Variants in ERBB4 observed in about 807,000 individuals in gnomAD.
ERBB4 encodes erb-b2 receptor tyrosine kinase 4.
A neutral mutation model predicts 158.0 loss-of-function variants in ERBB4; 42 were observed. The observed-to-expected ratio is 0.27, with a 90% CI of 0.21 to 0.34. ERBB4 has a LOEUF of 0.34. ERBB4 is among the 10% of genes least tolerant of loss of function. The pLI is 1.00. For missense variants in ERBB4, 1,333 were observed against 1,624.1 expected (o/e 0.82, Z 3.08); for synonymous variants, 583 against 558.7 (o/e 1.04, Z -0.61).
At chr2:212,086,049 G>A (rs1045171183) in intron 2 of ERBB4, among the ~76,000 whole-genome samples, 5 of 151,838 alleles carry the variant, frequency 3.3e-5, no homozygotes, top group Admixed American at 6.6e-5. Context: ...ACATGGTTAC[G>A]GTTGGAATTG....
In ERBB4 at chr2:211,657,836, C is replaced by T; in HGVS notation, c.1872-8G>A. ...CTAGTGGGACCGTTACACCTGCAGG[C>T]AATTACAGAACAGAAAACATCATTC... On this transcript the variant is annotated splice_region_variant and splice_polypyrimidine_tract_variant and intron_variant, in intron 15 of 27. Transcript: ENST00000342788. The T allele has an allele frequency of 6.2e-7, 1 of 1,613,334 alleles. No homozygotes were observed.
intron 20 of ERBB4, among the ~76,000 whole-genome samples, chr2:211,537,153 G>A (rs541060735): frequency 2.0e-5 from 3 of 151,928 alleles, no homozygotes; most frequent in South Asian, 4.2e-4. Context: ...CCAATGGCTT[G>A]TATCCATCCG....
At chr2:212,385,321 T>C (rs568333820) in intron 1 of ERBB4, among the ~76,000 whole-genome samples, 79 of 151,976 alleles carry the variant, frequency 5.2e-4, no homozygotes, top group African/African-American at 1.8e-3. Context: ...ATATGGAATA[T>C]AGTGCTTTTA....
At chr2:211,614,875 A>T (rs541140135) in intron 19 of ERBB4, among the ~76,000 whole-genome samples, 2 of 152,120 alleles carry the variant, frequency 1.3e-5, no homozygotes, top group South Asian at 4.1e-4. Flanking sequence ...ATAGGATAAC[A>T]GCAGTTGTGT....
intron 3 of ERBB4, among the ~76,000 whole-genome samples, chr2:211,796,363 T>C (rs911349658): frequency 6.6e-6 from 1 of 152,018 alleles, no homozygotes; most frequent in African/African-American, 2.4e-5. Flanking sequence ...AATTCTGCAT[T>C]GATGGGCATT....
At chr2:211,766,360 A>G (rs896189568) in intron 4 of ERBB4, among the ~76,000 whole-genome samples, 1 of 152,164 alleles carries the variant, frequency 6.6e-6, no homozygotes, top group East Asian at 1.9e-4. Context: ...CTCTAGTGTA[A>G]CCAGTGGTCT....
At chr2:212,187,436 T>TAAAC in intron 1 of ERBB4, among the ~76,000 whole-genome samples, 2 of 150,422 alleles carry the variant, frequency 1.3e-5, no homozygotes, top group East Asian at 3.9e-4. Flanking sequence ...AATAAATAAA[T>TAAAC]AAATAAATAA....
intron 25 of ERBB4, among the ~76,000 whole-genome samples, chr2:211,419,954 GGACTGCACGGTTTTCTGTGTTTCTACT>G (rs1400523501): frequency 6.6e-6 from 1 of 151,908 alleles, no homozygotes; most frequent in African/African-American, 2.4e-5. Context: ...TAGGTTCAAA[GGACTGCACGGTTTTCTGTGTTTCTACT>G]TCAACTTGAC....
intron 25 of ERBB4, among the ~76,000 whole-genome samples, chr2:211,399,531 G>A (rs2062990033): frequency 6.6e-6 from 1 of 152,138 alleles, no homozygotes; most frequent in Admixed American, 6.5e-5. Context: ...GAACTCAGAT[G>A]CAATTATCTG....
At chr2:212,318,216 C>T (rs1290526615) in intron 1 of ERBB4, among the ~76,000 whole-genome samples, 1 of 151,406 alleles carries the variant, frequency 6.6e-6, no homozygotes, top group Non-Finnish European at 1.5e-5. Flanking sequence ...AATGAAAAAG[C>T]CTTTGTGCTT....
intron 2 of ERBB4, among the ~76,000 whole-genome samples, chr2:212,096,900 G>A (rs542516900): frequency 2.0e-5 from 3 of 151,978 alleles, no homozygotes; most frequent in Non-Finnish European, 4.4e-5. Context: ...CTCCTACATT[G>A]ATCCTACTTC....
intron 20 of ERBB4, among the ~76,000 whole-genome samples, chr2:211,558,449 G>A (rs2067297002): frequency 6.6e-6 from 1 of 152,102 alleles, no homozygotes; most frequent in Non-Finnish European, 1.5e-5. Flanking sequence ...CTCATCTCAA[G>A]ATCCTTAATT....
chr2:211,740,362 G>A (rs1217611855), intron 5 of ERBB4, among the ~76,000 whole-genome samples: 1 of 151,944 alleles, frequency 6.6e-6, no homozygotes, highest in Non-Finnish European at 1.5e-5. Context: ...CCATGGTAAT[G>A]GAGAGATGCA....
intron 1 of ERBB4, among the ~76,000 whole-genome samples, chr2:212,526,590 GTTGA>G (rs1692459156): frequency 6.6e-6 from 1 of 151,806 alleles, no homozygotes; most frequent in Non-Finnish European, 1.5e-5. Context: ...TAACTGTTTA[GTTGA>G]TATTTTTTTA....
chr2:212,205,490 A>G lies in ERBB4; in HGVS notation c.83-80587T>C, dbSNP rs186863767. Among the ~76,000 whole-genome samples the G allele has an allele frequency of 2.6e-5, 4 of 152,306 alleles. No homozygotes were observed. In the East Asian group the frequency reaches 7.7e-4, roughly 29 times the overall value. ...ATAAAAAACAAACGGTCATTTTATG[A>G]TATTATAGAAACCATTTTAAAGAAA... is the stretch of plus-strand genomic sequence containing the variant. On this transcript the variant is annotated intron_variant, in intron 1 of 27. Transcript: ENST00000342788.
At chr2:212,242,300 A>G (rs2106018855) in intron 1 of ERBB4, among the ~76,000 whole-genome samples, 1 of 152,146 alleles carries the variant, frequency 6.6e-6, no homozygotes, top group East Asian at 1.9e-4. Context: ...CCTAGTTATA[A>G]TTTTAAAATA....
rs115039376 is a variant in ERBB4 at position 212,017,043 on chromosome 2, C to T, written c.235-69427G>A. ...ATTTTTTAAATAATTAAATATGCAG[C>T]GTATTTGAAATGTGATTTACTTTGA... On this transcript the variant is annotated intron_variant, in intron 2 of 27. Transcript: ENST00000342788. 7.9e-3 allele frequency among the ~76,000 whole-genome samples: 1,207 copies of T among 151,942 alleles called. 13 individuals are homozygous for T. The highest frequency in any genetic ancestry group is 0.027 in the African/African-American group (1,107 of 41,462).
chr2:212,092,718 T>C (rs2078815834), intron 2 of ERBB4, among the ~76,000 whole-genome samples: 1 of 152,130 alleles, frequency 6.6e-6, no homozygotes, highest in Non-Finnish European at 1.5e-5. Context: ...GAAGTAATTT[T>C]AGGATATTGT....
intron 19 of ERBB4, among the ~76,000 whole-genome samples, chr2:211,563,610 A>G (rs11889107): frequency 0.16 from 24,436 of 152,178 alleles, 2,218 homozygotes; most frequent in African/African-American, 0.24. Flanking sequence ...TAGGGACTAT[A>G]TATCATGTAC....
Sources: allele counts gnomAD v4.1 joint callset (sites outside exome capture counted in the v4.1 genomes callset), GRCh38; gene constraint gnomAD v4.1.1; transcripts MANE v1.5; gene names NCBI Gene and HGNC (gene_info 2026-07-23, HGNC 2026-07-21).